CDR2L: variants seen among roughly 807,000 people sequenced by gnomAD.
CDR2L encodes the protein cerebellar degeneration related protein 2 like.
In CDR2L, 19 loss-of-function variants were observed where a neutral mutation model predicts 36.1. That is an observed-to-expected ratio of 0.53 (90% CI 0.37 to 0.77). The LOEUF (loss-of-function observed/expected upper bound fraction) is 0.77. CDR2L is among the 30% of genes least tolerant of loss of function. The pLI, the probability that CDR2L is intolerant of heterozygous loss-of-function variation, is 0.00. For synonymous variants in CDR2L, 285 were observed against 280.4 expected, an observed-to-expected ratio of 1.02 and a Z score of -0.16; for missense variants, 575 against 627.2, an observed-to-expected ratio of 0.92 and a Z score of 0.89.
chr17:74,988,365 A>G (rs1047655262), intron 1 of CDR2L, among the ~76,000 whole-genome samples: 11 of 152,082 alleles, frequency 7.2e-5, no homozygotes, highest in African/African-American at 2.7e-4. Flanking sequence ...CTATTTTCCC[A>G]GACGACCGGG....
In CDR2L at chr17:75,004,427, CTTTTTT is replaced by C; in HGVS notation, c.*363_*368del. On this transcript the variant is annotated 3_prime_UTR_variant, in exon 5 of 5. Transcript: ENST00000337231. ...CTGAAAGCCATTCTGGATCAGTTGG[CTTTTTT>C]TTTTTTTTTGGTTAAGTTTGTTTTT... The C allele has an allele frequency of 6.4e-6, 1 of 155,748 alleles. No homozygotes were observed. The highest frequency in any genetic ancestry group is 2.5e-5 in the African/African-American group (1 of 39,940). 9.6% of individuals were successfully genotyped at this position (155,748 alleles called of 1,614,324 possible).
At chr17:74,995,459 G>A (rs753705285) in intron 1 of CDR2L, among the ~76,000 whole-genome samples, 71 of 151,898 alleles carry the variant, frequency 4.7e-4, no homozygotes, top group Middle Eastern at 3.4e-3. Flanking sequence ...CACCATACCC[G>A]GCCTGGCCTC....
chr17:75,003,123 G>GC (rs1567975940), intron 4 of CDR2L, 60 bp from the exon 5 acceptor site: 1 of 1,522,590 alleles, frequency 6.6e-7, no homozygotes, highest in Non-Finnish European at 8.9e-7. Flanking sequence ...CCTTGGCCGT[G>GC]CCCGTGACCA....
chr17:74,991,976 G>A (rs913343157), intron 1 of CDR2L, among the ~76,000 whole-genome samples: 6 of 152,126 alleles, frequency 3.9e-5, no homozygotes, highest in African/African-American at 1.4e-4. Flanking sequence ...CTCCACCCTG[G>A]TTACCCCAAA....
chr17:74,997,872 G>T (rs990346852), intron 1 of CDR2L, among the ~76,000 whole-genome samples: 1 of 150,248 alleles, frequency 6.7e-6, no homozygotes, highest in Non-Finnish European at 1.5e-5. Flanking sequence ...TTAGCCGGGC[G>T]TGGTAGTGGG....
intron 1 of CDR2L, among the ~76,000 whole-genome samples, chr17:74,991,445 C>T (rs1225162933): frequency 9.1e-5 from 13 of 143,620 alleles, no homozygotes; most frequent in Admixed American, 7.2e-4. Flanking sequence ...GAGCCGGGCA[C>T]GGTGGCTCAC....
intron 1 of CDR2L, among the ~76,000 whole-genome samples, chr17:74,992,509 G>A (rs752243387): frequency 9.2e-5 from 14 of 151,948 alleles, no homozygotes; most frequent in South Asian, 4.2e-4. Flanking sequence ...CCATTCTCCC[G>A]TTCCCAGGCC....
chr17:75,000,533 C>T (rs2039859026), intron 2 of CDR2L, among the ~76,000 whole-genome samples: 1 of 145,398 alleles, frequency 6.9e-6, no homozygotes, highest in African/African-American at 2.5e-5. Context: ...CTCCTGACCT[C>T]GTGATCTGCC....
intron 1 of CDR2L, among the ~76,000 whole-genome samples, chr17:74,995,069 CA>C (rs34010923): frequency 0.053 from 4,795 of 90,716 alleles, 209 homozygotes; most frequent in African/African-American, 0.16. Flanking sequence ...GACTCAGTCT[CA>C]AAAAAAAAAA....
Position 75,001,336 on chromosome 17 carries a change from C to G in CDR2L, c.193-5C>G. 1 of 1,601,998 alleles carries G rather than the reference C, an allele frequency of 6.2e-7. No homozygotes were observed. Among genetic ancestry groups the G allele is most frequent in the Non-Finnish European group, 8.5e-7 (1 of 1,174,676 alleles). ...AAAAGTTACTCAATGTCCTTCCACC[C>G]CCAGTACCTAACCAAGCAGCTGGAC... is the stretch of plus-strand genomic sequence containing the variant. On this transcript the variant is annotated splice_region_variant and splice_polypyrimidine_tract_variant and intron_variant, in intron 2 of 4. Transcript: ENST00000337231.
intron 1 of CDR2L, among the ~76,000 whole-genome samples, chr17:74,991,472 C>T (rs527463250): frequency 1.3e-5 from 2 of 149,266 alleles, no homozygotes; most frequent in East Asian, 2.0e-4. Flanking sequence ...AATCCCAGCA[C>T]TTTGGGAGGC....
At chr17:74,994,176 C>A (rs1306444879) in intron 1 of CDR2L, among the ~76,000 whole-genome samples, 2 of 152,138 alleles carry the variant, frequency 1.3e-5, no homozygotes, top group Non-Finnish European at 2.9e-5. Context: ...AGGGCTCAGC[C>A]GAAACAACCG....
chr17:74,995,547 C>T (rs2039819929), intron 1 of CDR2L, among the ~76,000 whole-genome samples: 1 of 152,084 alleles, frequency 6.6e-6, no homozygotes, highest in Non-Finnish European at 1.5e-5. Context: ...CTCTCTGTCA[C>T]CCAGGCTGGA....
chr17:75,000,875 G>A (rs185936949), intron 2 of CDR2L, among the ~76,000 whole-genome samples: 39 of 151,036 alleles, frequency 2.6e-4, no homozygotes, highest in African/African-American at 6.3e-4. Flanking sequence ...CCGATGTCGC[G>A]CCACTGCACT....
In CDR2L at chr17:74,988,125, G is replaced by A. The variant is rs376542586; in HGVS notation, c.79+3G>A. ...CGACCAGCAGGACCTGGAGCAGGGT[G>A]AGCGCGGGGGCGACCGGGACAGGAA... On this transcript the variant is annotated splice_donor_region_variant and intron_variant, in intron 1 of 4. Transcript: ENST00000337231. 4.7e-5 allele frequency: 71 copies of A among 1,526,866 alleles called. No individual in the cohort carries two copies. The East Asian group carries it at 1.1e-3, about 23-fold the overall frequency. 94.6% of individuals were successfully genotyped at this position (1,526,866 alleles called of 1,614,324 possible). A position where few individuals can be genotyped will look rare whatever the true frequency, so the allele number is the denominator to read the frequency against.
chr17:74,999,325 C>CACAA lies in CDR2L; in HGVS notation c.80-178_80-177insCAAA, dbSNP rs368672422. Among the ~76,000 whole-genome samples, 277 of 151,090 alleles carry CACAA rather than the reference C, an allele frequency of 1.8e-3. 2 individuals carry two copies. The East Asian group carries it at 0.023, about 13-fold the overall frequency. On this transcript the variant is annotated intron_variant, in intron 1 of 4. Transcript: ENST00000337231. ...ACACACACACACACACAGACACACA[C>CACAA]AAAAAGAACATTCCAGGCAGAAATA...
chr17:74,988,983 C>G (rs1045822872), intron 1 of CDR2L, among the ~76,000 whole-genome samples: 1 of 151,786 alleles, frequency 6.6e-6, no homozygotes, highest in Non-Finnish European at 1.5e-5. Flanking sequence ...TCTATCCTCT[C>G]CTCCCCTAAG....
Position 75,004,339 on chromosome 17 carries a change from C to A in CDR2L, c.*265C>A. 1 of 401,528 alleles carries A rather than the reference C, an allele frequency of 2.5e-6. No individual in the cohort carries two copies. Among genetic ancestry groups the A allele is most frequent in the Non-Finnish European group, 4.4e-6 (1 of 224,956 alleles). 24.9% of individuals were successfully genotyped at this position (401,528 alleles called of 1,614,324 possible). A position where few individuals can be genotyped will look rare whatever the true frequency, so the allele number is the denominator to read the frequency against. ...ATGTCCCCACTACCCCAGGGATCCC[C>A]CAGCTCCCCCAGCCCCTGGCTTCCT... On this transcript the variant is annotated 3_prime_UTR_variant, in exon 5 of 5. Coordinates refer to ENST00000337231, the MANE Select transcript of CDR2L (RefSeq NM_014603.3).
rs756563836 is a variant in CDR2L, at chr17:75,001,302, C to A, written c.193-39C>A. 8 of 1,561,848 alleles carry A rather than the reference C, an allele frequency of 5.1e-6. No individual in the cohort carries two copies. The South Asian group carries it at 9.7e-5, about 19-fold the overall frequency. On this transcript the variant is annotated intron_variant, in intron 2 of 4. Transcript: ENST00000337231. ...TCTAGGCAGAGACATTTGCCCCTGC[C>A]CAATTCTAAAAAGTTACTCAATGTC...
Sources: allele counts gnomAD v4.1 joint callset (sites outside exome capture counted in the v4.1 genomes callset), GRCh38; gene constraint gnomAD v4.1.1; transcripts MANE v1.5; gene names NCBI Gene and HGNC (gene_info 2026-07-23, HGNC 2026-07-21).